PRKG1: variants seen among roughly 807,000 people sequenced by gnomAD.
The protein encoded by PRKG1 is cGMP-dependent protein kinase 1.
In PRKG1, 35 loss-of-function variants were observed where a neutral mutation model predicts 88.1. The ratio of observed to expected loss-of-function variants is 0.40; its 90% CI spans 0.30 to 0.53. The LOEUF is 0.53. Ranked by LOEUF, PRKG1 falls within the 20% of genes least tolerant of loss-of-function variation. PRKG1 has a pLI of 0.59. For missense variants in PRKG1, 540 were observed against 839.8 expected (o/e 0.64, Z 4.41); for synonymous variants, 303 against 292.5 (o/e 1.04, Z -0.37).
chr10:51,656,146 T>C (rs1840155357), intron 3 of PRKG1, among the ~76,000 whole-genome samples: 1 of 152,182 alleles, frequency 6.6e-6, no homozygotes, highest in South Asian at 2.1e-4. Flanking sequence ...ATACAACTTT[T>C]TCAACCACAA....
chr10:52,144,724 G>A (rs1837683224), intron 8 of PRKG1, among the ~76,000 whole-genome samples: 1 of 78,246 alleles, frequency 1.3e-5, no homozygotes, highest in African/African-American at 3.6e-5. Flanking sequence ...AGCTGAGGCA[G>A]GAGAATTGCT....
intron 1 of PRKG1, among the ~76,000 whole-genome samples, chr10:51,094,647 C>A (rs1280571985): frequency 1.3e-5 from 2 of 151,924 alleles, no homozygotes; most frequent in Middle Eastern, 6.8e-3. Context: ...CATAAAAAAA[C>A]GTATCTACAT....
chr10:52,226,534 G>GTCAA (rs59466569), intron 9 of PRKG1, among the ~76,000 whole-genome samples: 20,108 of 152,008 alleles, frequency 0.13, 2,385 homozygotes, highest in African/African-American at 0.32. Flanking sequence ...TGTTGTTTTA[G>GTCAA]TCAATTAAAA....
At chr10:51,743,168 C>T (rs998284248) in intron 3 of PRKG1, among the ~76,000 whole-genome samples, 1 of 152,048 alleles carries the variant, frequency 6.6e-6, no homozygotes, top group Non-Finnish European at 1.5e-5. Flanking sequence ...AATTAGCTTT[C>T]AATACCGGGC....
chr10:51,482,881 A>G (rs1454610689), intron 3 of PRKG1, among the ~76,000 whole-genome samples: 2 of 152,198 alleles, frequency 1.3e-5, no homozygotes, highest in Non-Finnish European at 2.9e-5. Context: ...GTCATTCCAG[A>G]TAAAATATGT....
intron 15 of PRKG1, 29 bp from the exon 16 acceptor site, chr10:52,288,902 A>G: frequency 6.3e-7 from 1 of 1,596,058 alleles, no homozygotes; most frequent in Non-Finnish European, 8.5e-7. Context: ...AAAAAATTAG[A>G]TTTAATAAAA....
chr10:52,001,417 G>A (rs1844594451), intron 5 of PRKG1, among the ~76,000 whole-genome samples: 1 of 151,234 alleles, frequency 6.6e-6, no homozygotes, highest in Admixed American at 6.6e-5. Context: ...TTAGCTTGTG[G>A]TAATCATTTT....
intron 3 of PRKG1, among the ~76,000 whole-genome samples, chr10:51,500,471 A>T (rs1417866037): frequency 6.6e-6 from 1 of 152,220 alleles, no homozygotes; most frequent in Non-Finnish European, 1.5e-5. Flanking sequence ...CAATAAATAC[A>T]GTTTAGTTAC....
At chr10:52,255,049 T>A (rs1361984440) in intron 10 of PRKG1, among the ~76,000 whole-genome samples, 1 of 152,118 alleles carries the variant, frequency 6.6e-6, no homozygotes, top group Non-Finnish European at 1.5e-5. Flanking sequence ...TGTTCTTTAT[T>A]TTTAAGAATG....
chr10:52,194,301 C>T (rs949395223), intron 9 of PRKG1, among the ~76,000 whole-genome samples: 15 of 152,020 alleles, frequency 9.9e-5, no homozygotes, highest in African/African-American at 3.1e-4. Flanking sequence ...AATTGAAGCT[C>T]CTAATAAAAA....
intron 2 of PRKG1, among the ~76,000 whole-genome samples, chr10:51,260,008 AT>A (rs1193583236): frequency 3.9e-5 from 6 of 152,194 alleles, no homozygotes; most frequent in African/African-American, 1.4e-4. Flanking sequence ...GTTTTTCTAT[AT>A]ATGTATACAT....
chr10:51,700,790 TA>T (rs1185836552), intron 3 of PRKG1, among the ~76,000 whole-genome samples: 1 of 152,224 alleles, frequency 6.6e-6, no homozygotes, highest in Non-Finnish European at 1.5e-5. Context: ...TATTTAAATA[TA>T]AAAACTAATG....
intron 3 of PRKG1, among the ~76,000 whole-genome samples, chr10:51,530,278 A>T (rs1841986143): frequency 1.3e-5 from 2 of 152,202 alleles, no homozygotes; most frequent in Admixed American, 1.3e-4. Context: ...GTATCTAAAC[A>T]ATGTTAGCAT....
At chr10:51,965,040 G>T (rs545313588) in intron 5 of PRKG1, among the ~76,000 whole-genome samples, 1 of 152,126 alleles carries the variant, frequency 6.6e-6, no homozygotes, top group Non-Finnish European at 1.5e-5. Context: ...TCTTATAAAA[G>T]CATGGAATAA....
At chr10:51,860,626 A>G (rs10823734) in intron 4 of PRKG1, among the ~76,000 whole-genome samples, 50,757 of 152,068 alleles carry the variant, frequency 0.33, 9,511 homozygotes, top group South Asian at 0.58. Context: ...TACCCATCAC[A>G]TCGTGCTCTA....
intron 3 of PRKG1, among the ~76,000 whole-genome samples, chr10:51,657,282 T>C (rs1268617017): frequency 6.6e-6 from 1 of 152,164 alleles, no homozygotes; most frequent in Non-Finnish European, 1.5e-5. Context: ...GTCTGCAGTC[T>C]ATACACTTAG....
At chr10:51,527,438 A>G (rs1355865395) in intron 3 of PRKG1, among the ~76,000 whole-genome samples, 1 of 152,136 alleles carries the variant, frequency 6.6e-6, no homozygotes, top group Non-Finnish European at 1.5e-5. Context: ...AACAAAAACA[A>G]AAACAGTGGA....
Position 51,130,463 on chromosome 10 carries a change from T to C in PRKG1, c.312-22701T>C, listed in dbSNP as rs144443977. Among the ~76,000 whole-genome samples the C allele has an allele frequency of 2.1e-3, 321 of 152,342 alleles. 2 individuals are homozygous for C. Among genetic ancestry groups the C allele is most frequent in the African/African-American group, 7.4e-3 (307 of 41,584 alleles). On this transcript the variant is annotated intron_variant, in intron 1 of 17. Coordinates refer to ENST00000373980, the MANE Select transcript of PRKG1 (RefSeq NM_006258.4). ...CTCCTCCATCTCTCTTCATCATTAT[T>C]TCTTGGTCTGCTCATTTACTATCAA...
At chr10:51,099,001 A>C (rs1844612147) in intron 1 of PRKG1, among the ~76,000 whole-genome samples, 2 of 152,174 alleles carry the variant, frequency 1.3e-5, no homozygotes, top group African/African-American at 4.8e-5. Flanking sequence ...AGAGAGTTGT[A>C]ATTTTTCCTC....
Sources: allele counts gnomAD v4.1 joint callset (sites outside exome capture counted in the v4.1 genomes callset), GRCh38; gene constraint gnomAD v4.1.1; transcripts MANE v1.5; gene names NCBI Gene and HGNC (gene_info 2026-07-23, HGNC 2026-07-21).